Variants in PALLD observed in about 807,000 individuals in gnomAD.
The protein encoded by PALLD is palladin.
Under a neutral mutation model 123.5 loss-of-function variants are expected in PALLD, and 61 were observed. The observed-to-expected ratio is 0.49, with a 90% confidence interval of 0.40 to 0.61. PALLD has a LOEUF of 0.61. Among genes scored for constraint, PALLD ranks in the 20% least tolerant of loss-of-function variants. PALLD has a pLI of 0.00. For synonymous variants in PALLD, 465 were observed against 496.4 expected (o/e 0.94, Z 0.84); for missense variants, 1,273 against 1,377.0 (o/e 0.92, Z 1.20).
chr4:168,680,481 CAAAAAAAAAAAAAAAAAA>C (rs571607157), intron 3 of PALLD, among the ~76,000 whole-genome samples: 749 of 59,226 alleles, frequency 0.013, 12 homozygotes, highest in African/African-American at 0.046. Flanking sequence ...GATTCCGTCT[CAAAAAAAAAAAAAAAAAA>C]AAAAAAAAAA....
intron 2 of PALLD, among the ~76,000 whole-genome samples, chr4:168,529,126 C>T (rs1764353530): frequency 6.6e-6 from 1 of 152,122 alleles, no homozygotes. Context: ...GCTGGTGGAT[C>T]ACCGGAGGCC....
At chr4:168,828,478 C>T (rs999448788) in intron 10 of PALLD, among the ~76,000 whole-genome samples, 2 of 152,126 alleles carry the variant, frequency 1.3e-5, no homozygotes, top group African/African-American at 2.4e-5. Flanking sequence ...GTGCAATACC[C>T]GTCAGTAGTT....
At chr4:168,759,608 G>A (rs1732535033) in intron 10 of PALLD, among the ~76,000 whole-genome samples, 1 of 152,082 alleles carries the variant, frequency 6.6e-6, no homozygotes, top group East Asian at 1.9e-4. Flanking sequence ...GAAAACCACA[G>A]GGAAATAAGA....
intron 2 of PALLD, among the ~76,000 whole-genome samples, chr4:168,599,446 C>A (rs1772319350): frequency 1.3e-5 from 2 of 152,162 alleles, no homozygotes; most frequent in Admixed American, 1.3e-4. Context: ...TCTACTAATT[C>A]ACTGTTACAG....
chr4:168,712,153 G>A (rs1483325355), intron 10 of PALLD: 3 of 585,136 alleles, frequency 5.1e-6, no homozygotes, highest in Middle Eastern at 4.7e-4. Flanking sequence ...AACTGGTTAT[G>A]GCTGTGAAAA....
At chr4:168,882,220 T>C (rs1290207773) in intron 10 of PALLD, among the ~76,000 whole-genome samples, 1 of 152,256 alleles carries the variant, frequency 6.6e-6, no homozygotes, top group African/African-American at 2.4e-5. Context: ...ATTGTCGCTC[T>C]CTTTCTCCCT....
At chr4:168,845,363 G>A (rs747812265) in intron 10 of PALLD, among the ~76,000 whole-genome samples, 82 of 151,898 alleles carry the variant, frequency 5.4e-4, no homozygotes, top group Middle Eastern at 3.2e-3. Context: ...ATAATAGTTG[G>A]CCCTCTGGAT....
intron 10 of PALLD, among the ~76,000 whole-genome samples, chr4:168,805,212 G>C (rs1036088855): frequency 2.6e-5 from 4 of 152,198 alleles, no homozygotes; most frequent in Middle Eastern, 3.4e-3. Context: ...GAGATGGGAG[G>C]CTAAATTGCC....
At chr4:168,532,424 C>T (rs1305279227) in intron 2 of PALLD, among the ~76,000 whole-genome samples, 1 of 152,148 alleles carries the variant, frequency 6.6e-6, no homozygotes, top group East Asian at 1.9e-4. Context: ...AAGAACTTGG[C>T]CTCTCTATCT....
intron 2 of PALLD, among the ~76,000 whole-genome samples, chr4:168,600,289 C>G (rs1170149615): frequency 6.6e-6 from 1 of 152,114 alleles, no homozygotes; most frequent in Non-Finnish European, 1.5e-5. Flanking sequence ...TTCCTAGTGG[C>G]TATTTTTGGG....
chr4:168,566,868 C>G (rs1768442604), intron 2 of PALLD, among the ~76,000 whole-genome samples: 1 of 152,090 alleles, frequency 6.6e-6, no homozygotes, highest in Non-Finnish European at 1.5e-5. Flanking sequence ...TGAGGTGTTT[C>G]TGGATAGTGT....
chr4:168,608,127 G>A (rs1773368879), intron 2 of PALLD, among the ~76,000 whole-genome samples: 1 of 152,200 alleles, frequency 6.6e-6, no homozygotes, highest in African/African-American at 2.4e-5. Context: ...CAATCGCTGT[G>A]GCTGTAGAGC....
intron 10 of PALLD, among the ~76,000 whole-genome samples, chr4:168,817,896 G>A (rs530963557): frequency 6.6e-6 from 1 of 152,156 alleles, no homozygotes; most frequent in Non-Finnish European, 1.5e-5. Flanking sequence ...CTATCCTTCT[G>A]TTCTCATGCA....
At chr4:168,790,141 C>A (rs913273639) in intron 10 of PALLD, among the ~76,000 whole-genome samples, 5 of 150,904 alleles carry the variant, frequency 3.3e-5, no homozygotes, top group Non-Finnish European at 7.4e-5. Flanking sequence ...CTGCTCTAAA[C>A]TGAGATTTTG....
intron 10 of PALLD, among the ~76,000 whole-genome samples, chr4:168,735,836 G>A (rs1044146266): frequency 4.6e-5 from 7 of 152,038 alleles, no homozygotes; most frequent in African/African-American, 1.2e-4. Context: ...AGTTGTATCC[G>A]TTTTGACTCT....
At chr4:168,874,726 C>T (rs975885148) in intron 10 of PALLD, among the ~76,000 whole-genome samples, 2 of 151,852 alleles carry the variant, frequency 1.3e-5, no homozygotes, top group African/African-American at 4.8e-5. Context: ...AGAGCAGGGA[C>T]AGACACAGGT....
intron 2 of PALLD, among the ~76,000 whole-genome samples, chr4:168,635,285 C>T (rs1776230572): frequency 6.6e-6 from 1 of 152,186 alleles, no homozygotes; most frequent in South Asian, 2.1e-4. Flanking sequence ...TTTTCCAATG[C>T]CAGAATGGTG....
chr4:168,569,797 T>C (rs1332429395), intron 2 of PALLD, among the ~76,000 whole-genome samples: 2 of 152,170 alleles, frequency 1.3e-5, no homozygotes, highest in African/African-American at 2.4e-5. Context: ...TGAAACTTTG[T>C]ATAAATTGAC....
intron 2 of PALLD, among the ~76,000 whole-genome samples, chr4:168,576,648 G>A (rs1316074517): frequency 2.0e-5 from 3 of 152,094 alleles, no homozygotes; most frequent in African/African-American, 7.2e-5. Flanking sequence ...TTGGACATTT[G>A]GGTTGGTTCC....
Sources: gnomAD v4.1 joint callset for allele counts (sites outside exome capture counted in the v4.1 genomes callset) on GRCh38, gnomAD v4.1.1 for gene constraint, MANE v1.5 for transcripts, NCBI Gene and HGNC (gene_info 2026-07-23, HGNC 2026-07-21) for gene names.